Variants in PDCD1LG2 observed in about 807,000 individuals in gnomAD.
The protein encoded by PDCD1LG2 is programmed cell death 1 ligand 2.
In PDCD1LG2, 32 loss-of-function variants were observed where a neutral mutation model predicts 28.2. That is an observed-to-expected ratio of 1.13 (90% CI 0.86 to 1.52). The LOEUF (loss-of-function observed/expected upper bound fraction) is 1.52, where lower values mean the gene tolerates loss of function less well. Ranked by LOEUF, PDCD1LG2 falls within the 40% of genes most tolerant of loss-of-function variation. The pLI is 0.00. For missense variants in PDCD1LG2, 385 were observed against 323.8 expected (o/e 1.19, Z -1.45); for synonymous variants, 116 against 120.2 (o/e 0.97, Z 0.23).
chr9:5,569,839 T>C lies in PDCD1LG2; in HGVS notation c.817-115T>C. ...AATGAAAAGTTTTAAACCATGCGGC[T>C]TCCAGCTAGATGAACTTTTTTAAAA... is the stretch of plus-strand genomic sequence containing the variant. On this transcript the variant is annotated intron_variant, in intron 6 of 6. Transcript: ENST00000397747. The surrounding 1 kb of genome is among the most constrained non-coding windows in gnomAD (Gnocchi z 4.1). 1 of 1,051,668 alleles carries C rather than the reference T, an allele frequency of 9.5e-7. No homozygotes were observed. The highest frequency in any genetic ancestry group is 1.5e-6 in the Non-Finnish European group (1 of 683,856). 65.1% of individuals were successfully genotyped at this position (1,051,668 alleles called of 1,614,324 possible). A position where few individuals can be genotyped will look rare whatever the true frequency, so the allele number is the denominator to read the frequency against.
At chr9:5,559,422 T>C (rs1346563128) in intron 5 of PDCD1LG2, among the ~76,000 whole-genome samples, 4 of 152,306 alleles carry the variant, frequency 2.6e-5, no homozygotes, top group South Asian at 2.1e-4. Flanking sequence ...TTGTGTGCCA[T>C]GGAAAAGGGT....
rs916988079 is a variant in PDCD1LG2, at chr9:5,534,821, T to C, written c.132T>C (p.Phe44=). The C allele has an allele frequency of 6.2e-7, 1 of 1,614,174 alleles. No homozygotes were observed. Among genetic ancestry groups the C allele is most frequent in the African/African-American group, 1.3e-5 (1 of 75,046 alleles). The change falls in exon 3 of 7, where the codon TTT becomes TTC. Residue 44 remains phenylalanine (F), a synonymous_variant. Transcript: ENST00000397747. ...GCAATGTGACCCTGGAATGCAACTT[T>C]GACACTGGAAGTCATGTGAACCTTG... ...HGSNVTLECN[F]DTGSHVNLGA...
chr9:5,519,379 G>T (rs1246664989), intron 1 of PDCD1LG2, among the ~76,000 whole-genome samples: 1 of 152,168 alleles, frequency 6.6e-6, no homozygotes, highest in Non-Finnish European at 1.5e-5. Flanking sequence ...TTAGAGGTTA[G>T]AATTGGCTAA....
chr9:5,561,741 G>T (rs2129940204), intron 5 of PDCD1LG2, among the ~76,000 whole-genome samples: 1 of 152,200 alleles, frequency 6.6e-6, no homozygotes, highest in East Asian at 1.9e-4. Context: ...ATCATCATAG[G>T]CTGGTAACAG....
intron 3 of PDCD1LG2, among the ~76,000 whole-genome samples, chr9:5,543,419 G>A (rs1228544957): frequency 6.6e-6 from 1 of 151,942 alleles, no homozygotes. Context: ...GGCACCTGCA[G>A]TCGCAGCTAC....
At chr9:5,542,259 A>T (rs2129836100) in intron 3 of PDCD1LG2, among the ~76,000 whole-genome samples, 1 of 152,350 alleles carries the variant, frequency 6.6e-6, no homozygotes, top group East Asian at 1.9e-4. Flanking sequence ...GCCCTTCTAG[A>T]CATTAGCTTA....
At chr9:5,563,974 T>G (rs1016765197) in intron 6 of PDCD1LG2, among the ~76,000 whole-genome samples, 1 of 152,152 alleles carries the variant, frequency 6.6e-6, no homozygotes, top group Non-Finnish European at 1.5e-5. Context: ...CAAAATACTT[T>G]CACAGCAACA....
intron 5 of PDCD1LG2, among the ~76,000 whole-genome samples, chr9:5,562,500 G>A (rs374560350): frequency 8.3e-4 from 127 of 152,282 alleles, no homozygotes; most frequent in African/African-American, 2.9e-3. Context: ...AGAGAGTAGG[G>A]AGTGGCAGTG....
At chr9:5,540,328 G>A (rs138641256) in intron 3 of PDCD1LG2, among the ~76,000 whole-genome samples, 48 of 152,038 alleles carry the variant, frequency 3.2e-4, no homozygotes, top group African/African-American at 9.6e-4. Flanking sequence ...TCCTGGAGCT[G>A]GAGAAACAAG....
intron 3 of PDCD1LG2, among the ~76,000 whole-genome samples, chr9:5,535,811 C>T (rs1437674659): frequency 6.6e-6 from 1 of 152,124 alleles, no homozygotes; most frequent in Non-Finnish European, 1.5e-5. Context: ...AGGGATCTCT[C>T]CACTCCAGCA....
intron 5 of PDCD1LG2, among the ~76,000 whole-genome samples, 179 bp from the exon 6 acceptor site, chr9:5,562,983 T>C (rs1258005482): frequency 1.3e-5 from 2 of 152,232 alleles, no homozygotes; most frequent in Non-Finnish European, 2.9e-5. Flanking sequence ...TCACACTCTT[T>C]GCCTAGGGGC....
chr9:5,553,406 T>A (rs961061070), intron 4 of PDCD1LG2, among the ~76,000 whole-genome samples: 1 of 152,152 alleles, frequency 6.6e-6, no homozygotes, highest in African/African-American at 2.4e-5. Flanking sequence ...CTGTCGTTCG[T>A]TATATGGAAT....
intron 5 of PDCD1LG2, 26 bp from the exon 6 acceptor site, chr9:5,563,136 C>A (rs769981953): frequency 1.3e-6 from 2 of 1,568,864 alleles, no homozygotes; most frequent in Non-Finnish European, 1.8e-6. Context: ...TAATCTTATT[C>A]CATTTCTGGA....
intron 5 of PDCD1LG2, among the ~76,000 whole-genome samples, chr9:5,560,706 C>T (rs1586820186): frequency 6.7e-6 from 1 of 148,824 alleles, no homozygotes; most frequent in Non-Finnish European, 1.5e-5. Context: ...ATTTCTTAGT[C>T]CATTGCAAAG....
chr9:5,559,732 G>T (rs1242139153), intron 5 of PDCD1LG2, among the ~76,000 whole-genome samples: 1 of 152,104 alleles, frequency 6.6e-6, no homozygotes, highest in Non-Finnish European at 1.5e-5. Context: ...GCTATAATAG[G>T]CTTTTAAAAA....
intron 3 of PDCD1LG2, among the ~76,000 whole-genome samples, chr9:5,540,793 A>T (rs982605903): frequency 6.6e-6 from 1 of 152,242 alleles, no homozygotes; most frequent in Non-Finnish European, 1.5e-5. Context: ...TTCAAAGAAG[A>T]ATTGGTACCA....
intron 2 of PDCD1LG2, among the ~76,000 whole-genome samples, chr9:5,528,112 G>A (rs1056357737): frequency 4.6e-5 from 7 of 151,004 alleles, no homozygotes; most frequent in African/African-American, 1.7e-4. Flanking sequence ...TTACAGGCAT[G>A]AGCCACCACG....
intron 1 of PDCD1LG2, among the ~76,000 whole-genome samples, chr9:5,514,057 G>A (rs954840219): frequency 2.6e-5 from 4 of 152,186 alleles, no homozygotes; most frequent in Non-Finnish European, 5.9e-5. Context: ...AATGGGATAA[G>A]ACTGGCAGTA....
intron 1 of PDCD1LG2, among the ~76,000 whole-genome samples, chr9:5,515,836 T>G (rs531746378): frequency 7.7e-6 from 1 of 130,608 alleles, no homozygotes; most frequent in South Asian, 2.4e-4. Context: ...GGCAGGAGAA[T>G]CACTTGAACC....
Sources: allele counts gnomAD v4.1 joint callset (sites outside exome capture counted in the v4.1 genomes callset), GRCh38; gene constraint gnomAD v4.1.1; non-coding constraint Gnocchi (gnomAD v3.1); transcripts MANE v1.5; gene names NCBI Gene and HGNC (gene_info 2026-07-23, HGNC 2026-07-21).